The following CNTNAP3B variants were observed in gnomAD, a reference collection of about 807,000 sequenced individuals.
CNTNAP3B encodes contactin-associated protein-like 3B.
CNTNAP3B carries 25 observed loss-of-function variants against 108.9 expected under a neutral mutation model. The observed-to-expected ratio is 0.23, with a 90% CI of 0.17 to 0.32. CNTNAP3B has a LOEUF of 0.32. CNTNAP3B is among the 10% of genes least tolerant of loss of function. CNTNAP3B has a pLI of 1.00. For synonymous variants in CNTNAP3B, 103 were observed against 473.4 expected (o/e 0.22, Z 10.16); for missense variants, 252 against 1,210.4 (o/e 0.21, Z 11.75).
chr9:41,930,348 G>T (rs1357368751), intron 14 of CNTNAP3B, among the ~76,000 whole-genome samples: 3 of 152,296 alleles, frequency 2.0e-5, no homozygotes, highest in Admixed American at 6.5e-5. Flanking sequence ...TTCGAAACCA[G>T]CCTGGGCAAC....
chr9:42,035,963 C>G (rs1417664946), intron 3 of CNTNAP3B, among the ~76,000 whole-genome samples: 1 of 141,896 alleles, frequency 7.0e-6, no homozygotes, highest in Non-Finnish European at 1.5e-5. Context: ...TAAAAATTAG[C>G]TGGGCATGGT....
Position 42,046,831 on chromosome 9 carries a change from C to T in CNTNAP3B, c.390+30038G>A, listed in dbSNP as rs1335440803. 1.5e-4 allele frequency among the ~76,000 whole-genome samples: 14 copies of T among 94,958 alleles called. 6 individuals are homozygous for T. The highest frequency in any genetic ancestry group is 5.3e-3 in the Middle Eastern group (1 of 188). The allele number at this position is 94,958 out of a possible 152,430, so 62.3% of individuals were successfully genotyped here. A position where few individuals can be genotyped will look rare whatever the true frequency, so the allele number is the denominator to read the frequency against. On this transcript the variant is annotated intron_variant, in intron 3 of 23. Coordinates refer to ENST00000377561, the MANE Select transcript of CNTNAP3B (RefSeq NM_001201380.3). ...TGCATTGGGTGGGGGGCTCTAACTA[C>T]GTACACTTTGAAAAAGGAAGATGTT...
At chr9:41,917,026 T>C (rs1213040492) in intron 18 of CNTNAP3B, among the ~76,000 whole-genome samples, 6 of 152,194 alleles carry the variant, frequency 3.9e-5, no homozygotes, top group Admixed American at 1.3e-4. Context: ...ATAAACTTCT[T>C]TGTGTCATCT....
chr9:41,932,763 C>T lies in CNTNAP3B; in HGVS notation c.2238-3319G>A, dbSNP rs1158590223. ...TCGAACTTCTGACTTCATGATCTGC[C>T]CGCCTTGGCCTCGCAAAGTGCTGGG... On this transcript the variant is annotated intron_variant, in intron 14 of 23. Coordinates refer to ENST00000377561, the MANE Select transcript of CNTNAP3B (RefSeq NM_001201380.3). 4.3e-3 allele frequency among the ~76,000 whole-genome samples: 650 copies of T among 151,696 alleles called. 1 individual carries two copies. The highest frequency in any genetic ancestry group is 0.015 in the African/African-American group (622 of 41,072).
rs552060443 is a variant in CNTNAP3B, at chr9:42,003,136, A to G, written c.539-4532T>C. Among the ~76,000 whole-genome samples, 720 of 139,164 alleles carry G rather than the reference A, an allele frequency of 5.2e-3. 58 individuals carry two copies. The highest frequency in any genetic ancestry group is 7.3e-3 in the Non-Finnish European group (474 of 64,500). The allele number at this position is 139,164 out of a possible 152,430, so 91.3% of individuals were successfully genotyped here. A position where few individuals can be genotyped will look rare whatever the true frequency, so the allele number is the denominator to read the frequency against. ...ATTCCTGGGCTCAAGCAATCTGCCC[A>G]CCTCAGCTTCACAAAGTGCTGGGAT... On this transcript the variant is annotated intron_variant, in intron 4 of 23. Coordinates refer to ENST00000377561, the MANE Select transcript of CNTNAP3B (RefSeq NM_001201380.3).
chr9:41,954,298 T>G (rs1235214819), intron 12 of CNTNAP3B, among the ~76,000 whole-genome samples: 1 of 152,268 alleles, frequency 6.6e-6, no homozygotes, highest in Non-Finnish European at 1.5e-5. Flanking sequence ...GAAATCACCC[T>G]CCCAGCCCTT....
intron 3 of CNTNAP3B, among the ~76,000 whole-genome samples, chr9:42,075,158 C>T (rs1335119778): frequency 2.8e-5 from 4 of 144,590 alleles, no homozygotes; most frequent in Non-Finnish European, 4.5e-5. Flanking sequence ...GTACATCTGT[C>T]TCTGGGTCCA....
chr9:41,964,155 T>A (rs1049719941), intron 11 of CNTNAP3B, among the ~76,000 whole-genome samples: 1 of 152,310 alleles, frequency 6.6e-6, no homozygotes, highest in African/African-American at 2.4e-5. Context: ...GGCAAGGGGT[T>A]GTTTTTCCAC....
intron 8 of CNTNAP3B, among the ~76,000 whole-genome samples, chr9:41,990,825 C>A (rs1257603376): frequency 7.2e-6 from 1 of 138,208 alleles, no homozygotes; most frequent in Non-Finnish European, 1.5e-5. Context: ...AGATTAGTTC[C>A]CATCTATTGT....
rs201510387 is a variant in CNTNAP3B, at chr9:42,104,757, G to A, written c.86-18C>T. ...ACAGTCAGCTGCCAGGAAAAATACC[G>A]TGATATGGTTAACACTCAGATTGCA... On this transcript the variant is annotated intron_variant, in intron 1 of 23. Coordinates refer to ENST00000377561, the MANE Select transcript of CNTNAP3B (RefSeq NM_001201380.3). 8.1e-5 allele frequency: 78 copies of A among 962,420 alleles called. 23 individuals are homozygous for A. Among genetic ancestry groups the A allele is most frequent in the Middle Eastern group, 7.0e-4 (2 of 2,872 alleles). The allele number at this position is 962,420 out of a possible 1,614,324, so 59.6% of individuals were successfully genotyped here.
In CNTNAP3B at chr9:41,929,325, C is replaced by T. The variant is rs201256223; in HGVS notation, c.2357G>A (p.Arg786His). ...ADYTLGPLLC[R>H]GDKSFWNSAS... ...TTCTTGACACTACTTACTATCTCCGCGGCAGAGCAGTGGCCCCAGTGTATA... is the reference window on the plus strand; with the variant it reads ...TTCTTGACACTACTTACTATCTCCGTGGCAGAGCAGTGGCCCCAGTGTATA... Residue 786 changes from arginine to histidine, a missense_variant, in exon 15 of 24, where the codon CGC becomes CAC. Physicochemically the swap from Arg to His is conservative, Grantham distance 29. Coordinates refer to ENST00000377561, the MANE Select transcript of CNTNAP3B (RefSeq NM_001201380.3). 1,731 of 1,542,538 alleles carry T rather than the reference C, an allele frequency of 1.1e-3. 143 individuals carry two copies. The East Asian group carries it at 0.014, about 12-fold the overall frequency.
intron 15 of CNTNAP3B, among the ~76,000 whole-genome samples, chr9:41,925,346 C>A (rs560914812): frequency 6.0e-3 from 906 of 152,138 alleles, no homozygotes; most frequent in African/African-American, 0.021. Context: ...GTAATCCCAG[C>A]AGTTTGGGAG....
intron 2 of CNTNAP3B, among the ~76,000 whole-genome samples, chr9:42,097,094 T>C (rs1215393007): frequency 1.4e-5 from 2 of 140,068 alleles, no homozygotes; most frequent in East Asian, 2.2e-4. Flanking sequence ...CCTTCAATGA[T>C]GGCTGTGTGG....
chr9:41,944,871 C>T (rs1378389608), intron 13 of CNTNAP3B, among the ~76,000 whole-genome samples: 2 of 152,242 alleles, frequency 1.3e-5, no homozygotes, highest in Non-Finnish European at 2.9e-5. Flanking sequence ...ATCTACCCAT[C>T]TGACAAAGGG....
chr9:41,972,720 T>A (rs1335716341), intron 9 of CNTNAP3B, among the ~76,000 whole-genome samples: 1 of 134,576 alleles, frequency 7.4e-6, no homozygotes, highest in African/African-American at 3.0e-5. Context: ...AAATAAAAGT[T>A]TAAATGGTAC....
At chr9:41,952,339 A>G (rs1200222939) in intron 13 of CNTNAP3B, among the ~76,000 whole-genome samples, 9 of 152,332 alleles carry the variant, frequency 5.9e-5, no homozygotes, top group Admixed American at 5.9e-4. Flanking sequence ...TGAAGCAATC[A>G]CAGCTCACTG....
At chr9:41,955,980 A>T (rs910255272) in intron 12 of CNTNAP3B, among the ~76,000 whole-genome samples, 14 of 152,246 alleles carry the variant, frequency 9.2e-5, no homozygotes, top group Non-Finnish European at 1.0e-4. Flanking sequence ...AGAACACTTA[A>T]ATCAGCCCAC....
At chr9:41,967,241 G>A (rs1339497939) in intron 10 of CNTNAP3B, among the ~76,000 whole-genome samples, 1 of 152,248 alleles carries the variant, frequency 6.6e-6, no homozygotes, top group Non-Finnish European at 1.5e-5. Context: ...TGTCATGGGA[G>A]GGAACCTGTG....
chr9:42,027,859 T>C (rs1826439903), intron 3 of CNTNAP3B, among the ~76,000 whole-genome samples: 1 of 99,108 alleles, frequency 1.0e-5, no homozygotes, highest in Non-Finnish European at 2.1e-5. Flanking sequence ...AGAAGAAAGA[T>C]AAGTAATCAG....
Sources: gnomAD v4.1 joint callset for allele counts (sites outside exome capture counted in the v4.1 genomes callset) on GRCh38, gnomAD v4.1.1 for gene constraint, MANE v1.5 for transcripts, NCBI Gene and HGNC (gene_info 2026-07-23, HGNC 2026-07-21) for gene names.